ENTREP1: variants seen among roughly 807,000 people sequenced by gnomAD.
ENTREP1 encodes endosomal transmembrane epsin interactor 1, also known as Friedreich ataxia region gene X123.
chr9:69,379,190 T>G, the ENTREP1 span, among the ~76,000 whole-genome samples: 1 of 152,110 alleles, frequency 6.6e-6, no homozygotes, highest in Non-Finnish European at 1.5e-5. Flanking sequence ...GAGCTTGAGG[T>G]TTTTAGAGAA....
chr9:69,329,439 G>C, the ENTREP1 span: 1 of 984,276 alleles, frequency 1.0e-6, no homozygotes, highest in South Asian at 4.7e-5. Flanking sequence ...TCACTTGTTT[G>C]AACTTTGAAG....
the ENTREP1 span, among the ~76,000 whole-genome samples, chr9:69,340,456 G>A: frequency 6.6e-6 from 1 of 152,166 alleles, no homozygotes; most frequent in Non-Finnish European, 1.5e-5. Context: ...GGGTTGGAAA[G>A]CCTTCATTTA....
chr9:69,334,166 G>A, the ENTREP1 span, among the ~76,000 whole-genome samples: 11 of 152,168 alleles, frequency 7.2e-5, no homozygotes, highest in Non-Finnish European at 1.3e-4. Flanking sequence ...TGTAAAGTAG[G>A]TACAACTCAC....
the ENTREP1 span, among the ~76,000 whole-genome samples, chr9:69,357,246 T>G: frequency 3.9e-5 from 6 of 152,134 alleles, no homozygotes; most frequent in Non-Finnish European, 8.8e-5. Flanking sequence ...ATGTTTTCAC[T>G]AGGACTAAGC....
At chr9:69,333,626 A>ATGGCC in the ENTREP1 span, among the ~76,000 whole-genome samples, 8 of 152,208 alleles carry the variant, frequency 5.3e-5, no homozygotes, top group African/African-American at 1.9e-4. Context: ...TTTAATAGAA[A>ATGGCC]AAATACATTC....
chr9:69,351,975 G>T, the ENTREP1 span, among the ~76,000 whole-genome samples: 2 of 152,004 alleles, frequency 1.3e-5, no homozygotes, highest in African/African-American at 4.8e-5. Context: ...AGCTGTTCTT[G>T]TGTTATTATG....
At chr9:69,389,438 G>T in the ENTREP1 span, among the ~76,000 whole-genome samples, 1 of 152,146 alleles carries the variant, frequency 6.6e-6, no homozygotes, top group Non-Finnish European at 1.5e-5. Flanking sequence ...CTCTCTCCCA[G>T]TCCCTCAGGG....
the ENTREP1 span, among the ~76,000 whole-genome samples, chr9:69,354,727 C>T: frequency 1.3e-5 from 2 of 152,164 alleles, no homozygotes. Flanking sequence ...GAACACTTCA[C>T]CAGTGGTGGT....
At chr9:69,383,901 T>C in the ENTREP1 span, 2 of 1,572,792 alleles carry the variant, frequency 1.3e-6, no homozygotes, top group East Asian at 4.5e-5. Context: ...TAATGAGGGG[T>C]GAGTTAAACA....
At chr9:69,334,988 G>T in the ENTREP1 span, among the ~76,000 whole-genome samples, 1 of 152,008 alleles carries the variant, frequency 6.6e-6, no homozygotes, top group Non-Finnish European at 1.5e-5. Context: ...TCAAAGTCCT[G>T]GGCTCAGGCA....
At chr9:69,346,090 C>T in the ENTREP1 span, among the ~76,000 whole-genome samples, 1 of 151,932 alleles carries the variant, frequency 6.6e-6, no homozygotes, top group Non-Finnish European at 1.5e-5. Flanking sequence ...TCAAGCGATT[C>T]TCCTGTCTCA....
chr9:69,371,458 C>T, the ENTREP1 span: 3 of 1,270,154 alleles, frequency 2.4e-6, no homozygotes, highest in Non-Finnish European at 3.5e-6. Flanking sequence ...CTGAATTTAG[C>T]TGTTATCTTT....
the ENTREP1 span, among the ~76,000 whole-genome samples, chr9:69,376,545 G>A: frequency 6.6e-6 from 1 of 152,202 alleles, no homozygotes; most frequent in Admixed American, 6.5e-5. Context: ...GAACCCTGAG[G>A]TATGGCTTTT....
chr9:69,371,457 G>C, the ENTREP1 span: 2 of 1,264,898 alleles, frequency 1.6e-6, no homozygotes, highest in East Asian at 4.6e-5. Flanking sequence ...TCTGAATTTA[G>C]CTGTTATCTT....
chr9:69,378,580 AC>A, the ENTREP1 span, among the ~76,000 whole-genome samples: 8 of 151,808 alleles, frequency 5.3e-5, no homozygotes, highest in South Asian at 1.7e-3. Flanking sequence ...ATCCTGGCTA[AC>A]CCCCGTCTCT....
the ENTREP1 span, among the ~76,000 whole-genome samples, chr9:69,341,738 A>G: frequency 6.6e-6 from 1 of 152,192 alleles, no homozygotes; most frequent in Admixed American, 6.5e-5. Flanking sequence ...TTAGGAATCC[A>G]TGCATTTACA....
chr9:69,353,867 T>C, the ENTREP1 span, among the ~76,000 whole-genome samples: 14 of 152,198 alleles, frequency 9.2e-5, no homozygotes, highest in African/African-American at 3.4e-4. Context: ...TTATTGTTGT[T>C]CTTCTTTTTC....
At chr9:69,384,053 G>T in the ENTREP1 span, 1 of 1,529,230 alleles carries the variant, frequency 6.5e-7, no homozygotes, top group Non-Finnish European at 9.1e-7. Flanking sequence ...ACATGATTCA[G>T]TAGATTAAAA....
At chr9:69,357,653 G>A in the ENTREP1 span, among the ~76,000 whole-genome samples, 1 of 152,148 alleles carries the variant, frequency 6.6e-6, no homozygotes, top group South Asian at 2.1e-4. Flanking sequence ...AGGTGCACAG[G>A]CAAACCAAGT....
Sources: gnomAD v4.1 joint callset for allele counts (sites outside exome capture counted in the v4.1 genomes callset) on GRCh38, gnomAD v4.1.1 for gene constraint, MANE v1.5 for transcripts, NCBI Gene and HGNC (gene_info 2026-07-23, HGNC 2026-07-21) for gene names.